PDE1A: variants seen among roughly 807,000 people sequenced by gnomAD.
The protein encoded by PDE1A is phosphodiesterase 1A.
PDE1A carries 35 observed loss-of-function variants against 61.7 expected under a neutral mutation model. The observed-to-expected ratio is 0.57, with a 90% CI of 0.43 to 0.75. The LOEUF (loss-of-function observed/expected upper bound fraction) is 0.75, where lower values mean the gene tolerates loss of function less well. Among genes scored for constraint, PDE1A ranks in the 30% least tolerant of loss-of-function variants. The probability of loss-of-function intolerance (pLI) is 0.00; values close to 1 mark genes in which losing one functional copy is unlikely to be tolerated. For synonymous variants in PDE1A, 232 were observed against 213.2 expected, an observed-to-expected ratio of 1.09 and a Z score of -0.77; for missense variants, 597 against 630.6, an observed-to-expected ratio of 0.95 and a Z score of 0.57.
intron 1 of PDE1A, among the ~76,000 whole-genome samples, chr2:182,320,358 G>A (rs554349900): frequency 1.5e-4 from 23 of 152,176 alleles, no homozygotes; most frequent in African/African-American, 5.3e-4. Flanking sequence ...TGGGGTATGA[G>A]GGCTCTGTCT....
chr2:182,511,739 G>A (rs1689808138), intron 2 of PDE1A, among the ~76,000 whole-genome samples: 1 of 152,112 alleles, frequency 6.6e-6, no homozygotes, highest in Non-Finnish European at 1.5e-5. Context: ...CTGTTTGCCA[G>A]CCTCTCCCCA....
intron 2 of PDE1A, among the ~76,000 whole-genome samples, chr2:182,433,675 T>A (rs996603004): frequency 6.6e-6 from 1 of 152,084 alleles, no homozygotes; most frequent in African/African-American, 2.4e-5. Flanking sequence ...TCACTATATA[T>A]GATGAAACTT....
chr2:182,645,233 G>A, the PDE1A span, among the ~76,000 whole-genome samples: 6 of 151,694 alleles, frequency 4.0e-5, no homozygotes, highest in South Asian at 2.1e-4. Flanking sequence ...TGATCTGCCC[G>A]CCTCGGCCTC....
At chr2:182,592,245 T>A in the PDE1A span, among the ~76,000 whole-genome samples, 1 of 152,230 alleles carries the variant, frequency 6.6e-6, no homozygotes, top group South Asian at 2.1e-4. Flanking sequence ...ATACATGCTG[T>A]AATCCTACTG....
At chr2:182,392,635 C>T (rs1172635901) in intron 1 of PDE1A, among the ~76,000 whole-genome samples, 1 of 152,212 alleles carries the variant, frequency 6.6e-6, no homozygotes, top group African/African-American at 2.4e-5. Context: ...GCCTATGAGA[C>T]TGTGAAATCA....
upstream of PDE1A, among the ~76,000 whole-genome samples, chr2:182,428,523 C>A (rs1423905952): frequency 6.6e-6 from 1 of 151,984 alleles, no homozygotes; most frequent in Non-Finnish European, 1.5e-5. Flanking sequence ...TCTTTATGAT[C>A]AATAAGTACC....
At chr2:182,703,701 C>T in the PDE1A span, among the ~76,000 whole-genome samples, 425 of 152,274 alleles carry the variant, frequency 2.8e-3, 2 homozygotes, top group African/African-American at 9.5e-3. Context: ...AATCATTTCA[C>T]TTTTCTGAAC....
intron 1 of PDE1A, among the ~76,000 whole-genome samples, chr2:182,334,231 G>A (rs1297009564): frequency 4.0e-5 from 6 of 151,310 alleles, no homozygotes; most frequent in Non-Finnish European, 7.4e-5. Flanking sequence ...CTCATTTTAT[G>A]AGGCCAGCAT....
chr2:182,296,693 T>C (rs1694907032), intron 1 of PDE1A, among the ~76,000 whole-genome samples: 1 of 152,214 alleles, frequency 6.6e-6, no homozygotes, highest in Non-Finnish European at 1.5e-5. Context: ...GATGATTAAT[T>C]TTATATCAAC....
At chr2:182,543,446 T>C in the PDE1A span, among the ~76,000 whole-genome samples, 344 of 152,302 alleles carry the variant, frequency 2.3e-3, no homozygotes, top group African/African-American at 7.7e-3. Flanking sequence ...GGACAGGGAC[T>C]GAGATTTGTT....
chr2:182,433,751 C>T lies in PDE1A; in HGVS notation c.101+88525G>A, dbSNP rs553650145. 8.4e-4 allele frequency among the ~76,000 whole-genome samples: 128 copies of T among 152,128 alleles called. 1 individual carries two copies. Among genetic ancestry groups the T allele is most frequent in the Middle Eastern group, 6.8e-3 (2 of 294 alleles). ...CACAATATCCACATTCTGCCTGATC[C>T]GGCCCTCGTGTACCTGTACCCTTCA... On this transcript the variant is annotated intron_variant, in intron 2 of 14. Transcript: ENST00000410103.
At chr2:182,459,831 T>G (rs905900770) in intron 2 of PDE1A, among the ~76,000 whole-genome samples, 2 of 152,184 alleles carry the variant, frequency 1.3e-5, no homozygotes, top group African/African-American at 4.8e-5. Flanking sequence ...TATTTTTTTC[T>G]CAAAACGCTG....
chr2:182,229,748 C>CA, intron 6 of PDE1A, among the ~76,000 whole-genome samples: 1 of 148,124 alleles, frequency 6.8e-6, no homozygotes, highest in Non-Finnish European at 1.5e-5. Flanking sequence ...AATTTACAAA[C>CA]AAAAATGTTT....
chr2:182,618,393 G>A, the PDE1A span, among the ~76,000 whole-genome samples: 1 of 152,134 alleles, frequency 6.6e-6, no homozygotes, highest in Non-Finnish European at 1.5e-5. Context: ...CAAGAATTAA[G>A]AATGTAGAAT....
At chr2:182,434,538 A>T (rs1704114152) in intron 2 of PDE1A, among the ~76,000 whole-genome samples, 1 of 152,002 alleles carries the variant, frequency 6.6e-6, no homozygotes. Context: ...CTGAAAATGA[A>T]GCCCTTTTTT....
chr2:182,227,629 T>C (rs1167325267), intron 6 of PDE1A, among the ~76,000 whole-genome samples: 1 of 152,098 alleles, frequency 6.6e-6, no homozygotes, highest in African/African-American at 2.4e-5. Context: ...TTTTATTTAC[T>C]CCTCATTGCC....
chr2:182,382,905 T>C (rs10189043), intron 1 of PDE1A, among the ~76,000 whole-genome samples: 1,915 of 152,304 alleles, frequency 0.013, 36 homozygotes, highest in African/African-American at 0.04. Flanking sequence ...AAAGCATGTA[T>C]GGAAAACATA....
chr2:182,706,472 CAAG>C, the PDE1A span, among the ~76,000 whole-genome samples: 1 of 151,962 alleles, frequency 6.6e-6, no homozygotes, highest in African/African-American at 2.4e-5. Context: ...ACATGCTAAC[CAAG>C]AAGGAGTGAA....
At chr2:182,423,923 C>CA (rs564745025) in intron 1 of PDE1A, among the ~76,000 whole-genome samples, 228 of 122,846 alleles carry the variant, frequency 1.9e-3, no homozygotes, top group Middle Eastern at 8.5e-3. Flanking sequence ...CCAAATATTT[C>CA]AAAAAAAAAA....
Sources: allele counts gnomAD v4.1 joint callset (sites outside exome capture counted in the v4.1 genomes callset), GRCh38; gene constraint gnomAD v4.1.1; transcripts MANE v1.5; gene names NCBI Gene and HGNC (gene_info 2026-07-23, HGNC 2026-07-21).